Variants in SCAPER observed in about 807,000 individuals in gnomAD.
SCAPER encodes the protein S-phase cyclin A associated protein in the ER.
In SCAPER, 98 loss-of-function variants were observed where a neutral mutation model predicts 182.2. That is an observed-to-expected ratio of 0.54 (90% CI 0.46 to 0.64). The LOEUF (loss-of-function observed/expected upper bound fraction) is 0.64. Among genes scored for constraint, SCAPER ranks in the 30% least tolerant of loss-of-function variants. The probability of loss-of-function intolerance (pLI) is 0.00; values close to 1 mark genes in which losing one functional copy is unlikely to be tolerated. For missense variants in SCAPER, 1,432 were observed against 1,690.0 expected, an observed-to-expected ratio of 0.85 and a Z score of 2.68; for synonymous variants, 605 against 564.6, an observed-to-expected ratio of 1.07 and a Z score of -1.01.
intron 8 of SCAPER, among the ~76,000 whole-genome samples, chr15:76,776,003 T>G (rs1465202953): frequency 6.6e-6 from 1 of 152,100 alleles, no homozygotes. Context: ...GAAGTAACCA[T>G]TCCTTCATTT....
At position 76,434,141 on chromosome 15, in the gene SCAPER, T is replaced by G. The variant is rs767304100; in HGVS notation, c.3248A>C (p.Gln1083Pro). Residue 1083 changes from glutamine (Q) to proline (P), a missense_variant, in exon 26 of 32, where the codon CAG (glutamine) becomes CCG (proline). Gln to Pro is a moderately conservative substitution (Grantham distance 76). This residue lies in a region of SCAPER where 718 missense variants were observed against 799.7 expected (regional missense o/e 0.90). Transcript: ENST00000563290. ...CQPATPKIPT[Q>P]EMKNKPSQGD... ...TTGTGAGGGTTTGTTTTTCATTTCC[T>G]GTGTTGGTATTTTTGGGGTAGCTGG... The G allele has an allele frequency of 1.9e-6, 3 of 1,613,922 alleles. No individual in the cohort carries two copies. In the South Asian group the frequency reaches 3.3e-5, roughly 18 times the overall value.
intron 21 of SCAPER, among the ~76,000 whole-genome samples, chr15:76,635,385 G>C (rs2053502519): frequency 6.6e-6 from 1 of 152,192 alleles, no homozygotes; most frequent in South Asian, 2.1e-4. Context: ...TGCAGACACA[G>C]GGAGAATGTG....
intron 5 of SCAPER, among the ~76,000 whole-genome samples, chr15:76,805,955 A>G (rs2066131221): frequency 6.6e-6 from 1 of 152,170 alleles, no homozygotes; most frequent in Admixed American, 6.5e-5. Flanking sequence ...TGAGCTATAA[A>G]GTTCTTTATA....
At chr15:76,781,148 T>C (rs1598693806) in intron 8 of SCAPER, among the ~76,000 whole-genome samples, 1 of 152,268 alleles carries the variant, frequency 6.6e-6, no homozygotes, top group Admixed American at 6.5e-5. Flanking sequence ...TGAAAAAAGG[T>C]TCCACGAATG....
At chr15:76,378,777 C>T (rs565357329) in intron 28 of SCAPER, among the ~76,000 whole-genome samples, 58 of 152,240 alleles carry the variant, frequency 3.8e-4, no homozygotes, top group Non-Finnish European at 8.4e-4. Flanking sequence ...TGGAAGCTTC[C>T]TCTTAGGACA....
chr15:76,384,336 G>A (rs1479256752), intron 27 of SCAPER, among the ~76,000 whole-genome samples: 1 of 152,116 alleles, frequency 6.6e-6, no homozygotes, highest in Non-Finnish European at 1.5e-5. Flanking sequence ...TTCTAATACA[G>A]ATATTCAGGA....
At chr15:76,490,918 A>G (rs1251873034) in intron 24 of SCAPER, among the ~76,000 whole-genome samples, 1 of 152,126 alleles carries the variant, frequency 6.6e-6, no homozygotes, top group African/African-American at 2.4e-5. Flanking sequence ...TGTATTCTTG[A>G]CAATCTTATC....
chr15:76,555,495 C>T (rs896959513), intron 23 of SCAPER, among the ~76,000 whole-genome samples: 4 of 152,120 alleles, frequency 2.6e-5, no homozygotes, highest in African/African-American at 9.7e-5. Context: ...ACTCATCTCA[C>T]ATGCAATGAC....
intron 5 of SCAPER, among the ~76,000 whole-genome samples, chr15:76,810,805 T>C (rs189926108): frequency 5.5e-4 from 83 of 151,828 alleles, no homozygotes; most frequent in African/African-American, 2.0e-3. Context: ...CCCCTTAAGA[T>C]TCAAGAACAC....
intron 9 of SCAPER, among the ~76,000 whole-genome samples, chr15:76,773,087 G>C (rs11857437): frequency 6.6e-6 from 1 of 151,572 alleles, no homozygotes; most frequent in Non-Finnish European, 1.5e-5. Flanking sequence ...TATGTCAGTC[G>C]CCATGGTTTA....
chr15:76,870,808 G>C (rs2072666800), intron 2 of SCAPER, among the ~76,000 whole-genome samples: 1 of 152,048 alleles, frequency 6.6e-6, no homozygotes, highest in Non-Finnish European at 1.5e-5. Context: ...AGCACATAAA[G>C]GCTGAGAACT....
At chr15:76,754,309 G>A (rs2062276889) in intron 14 of SCAPER, among the ~76,000 whole-genome samples, 1 of 151,938 alleles carries the variant, frequency 6.6e-6, no homozygotes, top group Non-Finnish European at 1.5e-5. Context: ...TTCTTGTACT[G>A]TTACCATGAG....
At chr15:76,593,466 C>A (rs2049278127) in intron 22 of SCAPER, among the ~76,000 whole-genome samples, 1 of 120,980 alleles carries the variant, frequency 8.3e-6, no homozygotes. Flanking sequence ...AGTGCTCGAG[C>A]TCAAATAAAG....
At chr15:76,639,659 G>A (rs1383899910) in intron 21 of SCAPER, among the ~76,000 whole-genome samples, 2 of 152,090 alleles carry the variant, frequency 1.3e-5, no homozygotes, top group African/African-American at 4.8e-5. Context: ...TAAAGATTAT[G>A]AGGACTTACA....
intron 23 of SCAPER, among the ~76,000 whole-genome samples, chr15:76,509,402 T>A (rs1340374038): frequency 6.6e-6 from 1 of 152,214 alleles, no homozygotes; most frequent in South Asian, 2.1e-4. Flanking sequence ...GTATCTTGTT[T>A]GAGGTATTAC....
At chr15:76,566,664 T>G (rs2145234746) in intron 23 of SCAPER, among the ~76,000 whole-genome samples, 1 of 152,218 alleles carries the variant, frequency 6.6e-6, no homozygotes, top group East Asian at 1.9e-4. Flanking sequence ...ATGGTAAGAC[T>G]AAGGAAAATA....
At chr15:76,813,470 A>G (rs1406541041) in intron 5 of SCAPER, among the ~76,000 whole-genome samples, 1 of 151,878 alleles carries the variant, frequency 6.6e-6, no homozygotes, top group African/African-American at 2.4e-5. Context: ...CCAAAAAAAA[A>G]AGAGAAAGAA....
At chr15:76,763,571 C>T (rs1162023297) in intron 14 of SCAPER, among the ~76,000 whole-genome samples, 3 of 152,040 alleles carry the variant, frequency 2.0e-5, no homozygotes, top group Non-Finnish European at 4.4e-5. Flanking sequence ...AGGCTTTCTG[C>T]CTGCTTCTCT....
At chr15:76,460,236 T>C (rs2049058431) in intron 25 of SCAPER, among the ~76,000 whole-genome samples, 1 of 152,164 alleles carries the variant, frequency 6.6e-6, no homozygotes, top group Non-Finnish European at 1.5e-5. Context: ...CTCATCAGTT[T>C]CTTTCTCAGA....
Sources: gnomAD v4.1 joint callset for allele counts (sites outside exome capture counted in the v4.1 genomes callset) on GRCh38, gnomAD v4.1.1 for gene constraint, gnomAD v4.1.1 regional missense constraint, MANE v1.5 for transcripts, NCBI Gene and HGNC (gene_info 2026-07-23, HGNC 2026-07-21) for gene names.